Variants in MYO3A observed in about 807,000 individuals in gnomAD.
MYO3A encodes the protein myosin IIIA.
In MYO3A, 180 loss-of-function variants were observed where a neutral mutation model predicts 192.7. The observed-to-expected ratio is 0.93, with a 90% CI of 0.83 to 1.06. MYO3A has a LOEUF of 1.06. Ranked by LOEUF, MYO3A falls within the 50% of genes least tolerant of loss-of-function variation. The pLI, the probability that MYO3A is intolerant of heterozygous loss-of-function variation, is 0.00. For synonymous variants in MYO3A, 628 were observed against 645.3 expected (o/e 0.97, Z 0.41); for missense variants, 1,896 against 1,905.0 (o/e 1.00, Z 0.09).
At chr10:25,977,278 A>G (rs749605121) in intron 4 of MYO3A, among the ~76,000 whole-genome samples, 5 of 152,020 alleles carry the variant, frequency 3.3e-5, no homozygotes, top group African/African-American at 1.2e-4. Flanking sequence ...TTTTAATCAA[A>G]CTCTTGAAGT....
At chr10:26,166,789 T>G (rs1235849080) in intron 27 of MYO3A, among the ~76,000 whole-genome samples, 1 of 152,222 alleles carries the variant, frequency 6.6e-6, no homozygotes, top group Non-Finnish European at 1.5e-5. Flanking sequence ...ACTTGAAATT[T>G]TTCTGGAGTA....
chr10:26,089,582 C>T (rs1836566728), intron 15 of MYO3A, among the ~76,000 whole-genome samples: 1 of 148,944 alleles, frequency 6.7e-6, no homozygotes, highest in Non-Finnish European at 1.5e-5. Flanking sequence ...GCTGGGGTGA[C>T]AGAGCGAGAC....
intron 4 of MYO3A, among the ~76,000 whole-genome samples, chr10:25,979,556 T>C (rs1839182992): frequency 6.6e-6 from 1 of 152,138 alleles, no homozygotes; most frequent in Non-Finnish European, 1.5e-5. Flanking sequence ...AGAAAACTAT[T>C]GTCAACATAT....
chr10:26,077,233 G>GTTTTTT (rs34464120), intron 14 of MYO3A, among the ~76,000 whole-genome samples: 2,051 of 36,108 alleles, frequency 0.057, 247 homozygotes, highest in Non-Finnish European at 0.073. Context: ...TATTCCTAAG[G>GTTTTTT]TTTTTTTTTT....
chr10:26,046,828 C>T (rs1218039968), intron 10 of MYO3A, among the ~76,000 whole-genome samples: 2 of 152,192 alleles, frequency 1.3e-5, no homozygotes, highest in Non-Finnish European at 2.9e-5. Context: ...CACGTGGAAT[C>T]ATTTATTAGT....
intron 17 of MYO3A, among the ~76,000 whole-genome samples, chr10:26,111,653 A>G (rs1332009046): frequency 1.3e-5 from 2 of 152,192 alleles, no homozygotes; most frequent in African/African-American, 4.8e-5. Flanking sequence ...CTTAAAGCAG[A>G]GCCAATTTAT....
chr10:26,030,108 A>C (rs1202438969), intron 10 of MYO3A, among the ~76,000 whole-genome samples: 1 of 152,068 alleles, frequency 6.6e-6, no homozygotes, highest in Non-Finnish European at 1.5e-5. Flanking sequence ...AAGGGACCCC[A>C]CACTCAGCCC....
intron 2 of MYO3A, among the ~76,000 whole-genome samples, chr10:25,940,031 C>G (rs1836377270): frequency 6.6e-6 from 1 of 151,962 alleles, no homozygotes; most frequent in Non-Finnish European, 1.5e-5. Flanking sequence ...ACATCACTTT[C>G]TTTTATTGAG....
intron 6 of MYO3A, among the ~76,000 whole-genome samples, chr10:26,013,145 AATATAAC>A (rs1356914211): frequency 2.6e-5 from 4 of 152,166 alleles, no homozygotes; most frequent in Non-Finnish European, 5.9e-5. Flanking sequence ...CAAAGACTTA[AATATAAC>A]ACCTGAACCT....
At chr10:25,946,736 G>A (rs376535083) in intron 2 of MYO3A, among the ~76,000 whole-genome samples, 11 of 151,520 alleles carry the variant, frequency 7.3e-5, no homozygotes, top group Admixed American at 2.6e-4. Flanking sequence ...AAAATTAGCC[G>A]GGCATGGTAG....
At chr10:25,996,379 A>G (rs1840440333) in intron 4 of MYO3A, 111 bp from the exon 5 acceptor site, 1 of 813,456 alleles carries the variant, frequency 1.2e-6, no homozygotes, top group Non-Finnish European at 2.1e-6. Flanking sequence ...GGCATTAATC[A>G]TTTGAAAGAG....
chr10:26,209,034 T>G (rs1157656253), intron 34 of MYO3A, among the ~76,000 whole-genome samples: 1 of 152,220 alleles, frequency 6.6e-6, no homozygotes, highest in African/African-American at 2.4e-5. Flanking sequence ...CCCTGTCCAC[T>G]CTTTCAAACT....
intron 6 of MYO3A, among the ~76,000 whole-genome samples, chr10:26,010,461 T>TG (rs201597907): frequency 6.7e-5 from 9 of 134,854 alleles, no homozygotes; most frequent in African/African-American, 2.3e-4. Context: ...TTTTTTTTTT[T>TG]TTTTTTTTTT....
At chr10:26,027,273 A>G (rs10828939) in intron 10 of MYO3A, among the ~76,000 whole-genome samples, 22,120 of 152,176 alleles carry the variant, frequency 0.15, 1,857 homozygotes, top group East Asian at 0.35. Flanking sequence ...TCACAGAGAA[A>G]TATACAATGG....
At chr10:26,148,437 T>A (rs1218602786) in intron 23 of MYO3A, among the ~76,000 whole-genome samples, 2 of 152,240 alleles carry the variant, frequency 1.3e-5, no homozygotes, top group African/African-American at 4.8e-5. Context: ...CAGTACAAGT[T>A]AACCTGACTT....
rs1380630398 is a variant in MYO3A, at chr10:26,201,369, T to C, written c.4586+64T>C. ...CAAACAAAAATAAAAATCCATGTGTTCAAATTATGATTTAAAATCACCTAT... is the reference window on the plus strand; with the variant it reads ...CAAACAAAAATAAAAATCCATGTGTCCAAATTATGATTTAAAATCACCTAT... On this transcript the variant is annotated intron_variant, in intron 33 of 34. Coordinates refer to ENST00000642920, the MANE Select transcript of MYO3A (RefSeq NM_017433.5). 22 of 1,276,090 alleles carry C rather than the reference T, an allele frequency of 1.7e-5. No homozygotes were observed. The Admixed American group carries it at 1.8e-4, about 10-fold the overall frequency. The allele number at this position is 1,276,090 out of a possible 1,614,324, so 79.0% of individuals were successfully genotyped here. A position where few individuals can be genotyped will look rare whatever the true frequency, so the allele number is the denominator to read the frequency against.
chr10:26,125,202 C>A (rs967272130), intron 18 of MYO3A, among the ~76,000 whole-genome samples, 196 bp from the exon 19 acceptor site: 21 of 152,128 alleles, frequency 1.4e-4, no homozygotes, highest in Non-Finnish European at 2.9e-5. Context: ...CTAAGTTTAA[C>A]CAGCTGAGAA....
intron 2 of MYO3A, among the ~76,000 whole-genome samples, chr10:25,937,714 C>CATAATT (rs3057643): frequency 0.081 from 12,362 of 152,084 alleles, 638 homozygotes; most frequent in African/African-American, 0.14. Context: ...CTTTTATCCT[C>CATAATT]ATAAAGGGAG....
chr10:25,959,840 C>T (rs1837813732), intron 4 of MYO3A, among the ~76,000 whole-genome samples: 1 of 151,150 alleles, frequency 6.6e-6, no homozygotes, highest in African/African-American at 2.4e-5. Context: ...TGTGTGTGTA[C>T]TGCTCAGGCA....
Sources: allele counts gnomAD v4.1 joint callset (sites outside exome capture counted in the v4.1 genomes callset), GRCh38; gene constraint gnomAD v4.1.1; transcripts MANE v1.5; gene names NCBI Gene and HGNC (gene_info 2026-07-23, HGNC 2026-07-21).